CCDC102B: variants seen among roughly 807,000 people sequenced by gnomAD.
CCDC102B encodes the protein coiled-coil domain-containing protein 102B.
In CCDC102B, 75 loss-of-function variants were observed where a neutral mutation model predicts 57.4. The ratio of observed to expected loss-of-function variants is 1.31; its 90% CI spans 1.08 to 1.58. CCDC102B has a LOEUF of 1.58. CCDC102B is among the 40% of genes most tolerant of loss of function. CCDC102B has a pLI of 0.00. For synonymous variants in CCDC102B, 206 were observed against 201.9 expected (o/e 1.02, Z -0.17); for missense variants, 636 against 582.6 (o/e 1.09, Z -0.94).
chr18:68,803,403 A>G (rs1162772587), intron 1 of CCDC102B, among the ~76,000 whole-genome samples: 1 of 152,224 alleles, frequency 6.6e-6, no homozygotes, highest in Non-Finnish European at 1.5e-5. Flanking sequence ...TACTGGAAGA[A>G]AAAAAGAACA....
At chr18:68,974,669 T>C (rs866564465) in intron 6 of CCDC102B, among the ~76,000 whole-genome samples, 2 of 151,940 alleles carry the variant, frequency 1.3e-5, no homozygotes, top group Non-Finnish European at 2.9e-5. Context: ...ATATAAATAC[T>C]AAAAGCATTA....
chr18:68,925,382 G>T (rs1004137193), intron 6 of CCDC102B, among the ~76,000 whole-genome samples: 1 of 151,766 alleles, frequency 6.6e-6, no homozygotes, highest in Non-Finnish European at 1.5e-5. Context: ...ATACAGACGG[G>T]GCTAGAACCA....
intron 2 of CCDC102B, among the ~76,000 whole-genome samples, chr18:68,724,850 C>T (rs1716853483): frequency 6.6e-6 from 1 of 152,204 alleles, no homozygotes; most frequent in Non-Finnish European, 1.5e-5. Flanking sequence ...TCCACATTTT[C>T]AGGTATCCTT....
chr18:68,738,456 T>A (rs1043425419), intron 2 of CCDC102B, among the ~76,000 whole-genome samples: 6 of 152,162 alleles, frequency 3.9e-5, no homozygotes, highest in African/African-American at 1.4e-4. Context: ...GGATCTGATA[T>A]AATCATTTCC....
At chr18:68,885,971 G>A (rs1366765049) in intron 5 of CCDC102B, among the ~76,000 whole-genome samples, 2 of 151,822 alleles carry the variant, frequency 1.3e-5, no homozygotes, top group Non-Finnish European at 2.9e-5. Context: ...AAACTATGAG[G>A]CACTTCATAA....
rs144654813 is a variant in CCDC102B, at chr18:68,719,341, AG to A, written c.-67+2748del. On this transcript the variant is annotated intron_variant, in intron 2 of 3. Transcript: ENST00000578970. ...AAGAAGTCTTAATCTTCCATCTGCAAGCTGGAGAACCAGAAAGCCACTCCAA... is the reference window on the plus strand; with the variant it reads ...AAGAAGTCTTAATCTTCCATCTGCAACTGGAGAACCAGAAAGCCACTCCAA... Among the ~76,000 whole-genome samples the A allele has an allele frequency of 8.4e-3, 1,277 of 152,320 alleles. 22 individuals carry two copies. The highest frequency in any genetic ancestry group is 0.029 in the African/African-American group (1,205 of 41,562).
intron 5 of CCDC102B, among the ~76,000 whole-genome samples, chr18:68,895,118 C>G (rs1431626702): frequency 1.3e-5 from 2 of 151,818 alleles, no homozygotes; most frequent in Non-Finnish European, 3.0e-5. Context: ...AAGTATTAAT[C>G]TTAACAATGA....
intron 2 of CCDC102B, among the ~76,000 whole-genome samples, chr18:68,763,493 G>T (rs933329130): frequency 6.6e-6 from 1 of 152,056 alleles, no homozygotes; most frequent in Non-Finnish European, 1.5e-5. Flanking sequence ...TAAAAAAAAT[G>T]CTTGCTCAAT....
chr18:68,789,840 A>G (rs2035361514), intron 2 of CCDC102B, among the ~76,000 whole-genome samples: 1 of 151,364 alleles, frequency 6.6e-6, no homozygotes, highest in Admixed American at 6.6e-5. Context: ...CGTCAAAGTC[A>G]TTCTCCGTCC....
At chr18:68,716,760 C>A (rs2032024838) in intron 2 of CCDC102B, among the ~76,000 whole-genome samples, 1 of 151,618 alleles carries the variant, frequency 6.6e-6, no homozygotes. Context: ...ACAGTGAGAC[C>A]CCATCTGTAC....
chr18:68,803,599 C>T (rs775930926), intron 1 of CCDC102B, among the ~76,000 whole-genome samples: 5 of 152,120 alleles, frequency 3.3e-5, no homozygotes, highest in Non-Finnish European at 7.4e-5. Flanking sequence ...GGCCAGATGG[C>T]CGGCAGCTGC....
chr18:68,893,580 C>T (rs1212650655), intron 5 of CCDC102B, among the ~76,000 whole-genome samples: 1 of 152,128 alleles, frequency 6.6e-6, no homozygotes, highest in Non-Finnish European at 1.5e-5. Flanking sequence ...TTTCACTTAA[C>T]AGTTATTTAT....
intron 7 of CCDC102B, among the ~76,000 whole-genome samples, chr18:69,031,294 A>T (rs2052136780): frequency 6.6e-6 from 1 of 152,182 alleles, no homozygotes; most frequent in African/African-American, 2.4e-5. Flanking sequence ...ATCATCAAAT[A>T]TAATGTGCTC....
At chr18:68,792,291 A>G (rs997665234) in intron 2 of CCDC102B, among the ~76,000 whole-genome samples, 1 of 152,176 alleles carries the variant, frequency 6.6e-6, no homozygotes, top group Non-Finnish European at 1.5e-5. Context: ...TCACAAAGAT[A>G]ATTTCACAGT....
chr18:68,999,439 A>G (rs2051139517), intron 6 of CCDC102B, among the ~76,000 whole-genome samples: 1 of 149,498 alleles, frequency 6.7e-6, no homozygotes, highest in South Asian at 2.1e-4. Flanking sequence ...TCTACTGAAA[A>G]TAGTAAAAAA....
intron 7 of CCDC102B, among the ~76,000 whole-genome samples, chr18:69,016,361 A>G (rs1170012305): frequency 6.6e-6 from 1 of 152,188 alleles, no homozygotes; most frequent in Non-Finnish European, 1.5e-5. Flanking sequence ...CTAAGAGGCA[A>G]TGAGTGCAAC....
At chr18:69,017,908 G>A (rs2051713915) in intron 7 of CCDC102B, among the ~76,000 whole-genome samples, 1 of 152,066 alleles carries the variant, frequency 6.6e-6, no homozygotes, top group East Asian at 1.9e-4. Context: ...TTCTGTGTCT[G>A]GCTTATTTCA....
Position 69,054,125 on chromosome 18 carries a change from G to T in CCDC102B, c.1530G>T (p.Leu510Phe). The change falls in exon 8 of 8, where the codon TTG (leucine) becomes TTT (phenylalanine). Residue 510 changes from leucine to phenylalanine, a missense_variant. Leu to Phe is a conservative substitution (Grantham distance 22, BLOSUM62 0). Coordinates refer to ENST00000360242, the MANE Select transcript of CCDC102B (RefSeq NM_024781.3). Reference sequence around the variant, plus strand: ...ACTTAGAGACTGAACTCAGGCACTTGCAAAACTGGTAATTTTTTCACAAAA... The same window carrying T: ...ACTTAGAGACTGAACTCAGGCACTTTCAAAACTGGTAATTTTTTCACAAAA... ...NENLETELRH[L>F]QNW 6.3e-7 allele frequency: 1 copy of T among 1,599,040 alleles called. No homozygotes were observed. Among genetic ancestry groups the T allele is most frequent in the East Asian group, 2.3e-5 (1 of 43,986 alleles).
intron 6 of CCDC102B, among the ~76,000 whole-genome samples, chr18:68,969,731 A>G (rs2050254815): frequency 6.6e-6 from 1 of 152,060 alleles, no homozygotes; most frequent in Non-Finnish European, 1.5e-5. Context: ...ATAGTTTGAC[A>G]TAAAATATTC....
Sources: gnomAD v4.1 joint callset for allele counts (sites outside exome capture counted in the v4.1 genomes callset) on GRCh38, gnomAD v4.1.1 for gene constraint, MANE v1.5 for transcripts, NCBI Gene and HGNC (gene_info 2026-07-23, HGNC 2026-07-21) for gene names.